Variants in ATP8B4 observed in about 807,000 individuals in gnomAD.
ATP8B4 encodes the protein probable phospholipid-transporting ATPase IM.
In ATP8B4, 133 loss-of-function variants were observed where a neutral mutation model predicts 145.6. The ratio of observed to expected loss-of-function variants is 0.91; its 90% CI spans 0.79 to 1.05. The LOEUF (loss-of-function observed/expected upper bound fraction) is 1.05. Ranked by LOEUF, ATP8B4 falls within the 50% of genes least tolerant of loss-of-function variation. ATP8B4 has a pLI of 0.00. For synonymous variants in ATP8B4, 507 were observed against 492.9 expected (o/e 1.03, Z -0.38); for missense variants, 1,458 against 1,425.2 (o/e 1.02, Z -0.37).
At chr15:49,983,271 G>T (rs1028966669) in intron 10 of ATP8B4, among the ~76,000 whole-genome samples, 4 of 152,046 alleles carry the variant, frequency 2.6e-5, no homozygotes, top group African/African-American at 9.7e-5. Flanking sequence ...TTCTTCTAAG[G>T]CCTCTCAAGT....
intron 9 of ATP8B4, among the ~76,000 whole-genome samples, chr15:49,990,709 T>C (rs2046980471): frequency 6.6e-6 from 1 of 152,174 alleles, no homozygotes; most frequent in African/African-American, 2.4e-5. Context: ...TGGAACTCAG[T>C]GCCCAATAGT....
At chr15:50,062,823 G>A (rs953423586) in intron 3 of ATP8B4, among the ~76,000 whole-genome samples, 13 of 152,182 alleles carry the variant, frequency 8.5e-5, no homozygotes, top group African/African-American at 2.6e-4. Flanking sequence ...ACCTAGAAAA[G>A]CATTTCTTTT....
intron 8 of ATP8B4, among the ~76,000 whole-genome samples, chr15:50,000,407 G>A (rs1233676054): frequency 6.6e-6 from 1 of 151,874 alleles, no homozygotes; most frequent in Non-Finnish European, 1.5e-5. Flanking sequence ...TCTGTAGTGA[G>A]ATCTTATTGT....
intron 13 of ATP8B4, among the ~76,000 whole-genome samples, chr15:49,963,811 G>A (rs182690062): frequency 3.0e-4 from 45 of 152,174 alleles, no homozygotes; most frequent in Non-Finnish European, 5.3e-4. Flanking sequence ...TTAATACCTA[G>A]GTGATGGGAT....
intron 15 of ATP8B4, among the ~76,000 whole-genome samples, chr15:49,932,220 C>A (rs958127256): frequency 1.7e-4 from 25 of 151,432 alleles, no homozygotes; most frequent in African/African-American, 6.1e-4. Context: ...TAAAAAGAAA[C>A]AAATCACCTA....
At chr15:49,874,918 A>G (rs2034168991) in intron 25 of ATP8B4, among the ~76,000 whole-genome samples, 1 of 152,238 alleles carries the variant, frequency 6.6e-6, no homozygotes, top group Admixed American at 6.5e-5. Context: ...CATAAAGTTA[A>G]TATAAAAACA....
At chr15:49,972,880 G>C (rs2045301340) in intron 12 of ATP8B4, 90 bp from the exon 13 acceptor site, 1 of 1,290,384 alleles carries the variant, frequency 7.7e-7, no homozygotes, top group Admixed American at 2.3e-5. Context: ...GTCTGCCAAA[G>C]TCTCCAGGGG....
Position 49,996,839 on chromosome 15 carries a change from G to T in ATP8B4, c.507-80C>A, listed in dbSNP as rs1050534583. On this transcript the variant is annotated intron_variant, in intron 8 of 27. Transcript: ENST00000284509. ...CTACCAAAGCAATCAGGTGGGTGTA[G>T]CACATGCAAAGCCAAACCCAAGAGA... The T allele has an allele frequency of 6.3e-6, 7 of 1,118,552 alleles. No homozygotes were observed. The African/African-American group carries it at 9.2e-5, about 15-fold the overall frequency. 69.3% of individuals were successfully genotyped at this position (1,118,552 alleles called of 1,614,324 possible).
chr15:49,995,693 T>C (rs940443670), intron 9 of ATP8B4, among the ~76,000 whole-genome samples: 2 of 152,186 alleles, frequency 1.3e-5, no homozygotes, highest in African/African-American at 4.8e-5. Context: ...AATACCCTTG[T>C]CCATGTTTTC....
intron 14 of ATP8B4, among the ~76,000 whole-genome samples, chr15:49,942,667 T>C (rs1434644600): frequency 1.3e-5 from 2 of 150,766 alleles, no homozygotes; most frequent in Non-Finnish European, 1.5e-5. Context: ...TACTAAAAAA[T>C]ACAAAAAATT....
chr15:50,134,359 A>G (rs746907304), intron 1 of ATP8B4, among the ~76,000 whole-genome samples: 5 of 152,218 alleles, frequency 3.3e-5, no homozygotes, highest in African/African-American at 4.8e-5. Context: ...AAGAAAGGCA[A>G]GTGAGAAGAG....
chr15:50,146,862 C>T (rs183897611), intron 1 of ATP8B4, among the ~76,000 whole-genome samples: 1 of 151,990 alleles, frequency 6.6e-6, no homozygotes, highest in Admixed American at 6.5e-5. Flanking sequence ...CCAGGTTCCA[C>T]ACAGGAAGAG....
At chr15:50,098,227 A>G (rs1203926406) in intron 2 of ATP8B4, among the ~76,000 whole-genome samples, 1 of 143,414 alleles carries the variant, frequency 7.0e-6, no homozygotes, top group African/African-American at 2.6e-5. Flanking sequence ...TTGTGTCATG[A>G]AAATACATGA....
chr15:50,141,462 GT>G (rs1393109428), intron 1 of ATP8B4, among the ~76,000 whole-genome samples: 1 of 152,098 alleles, frequency 6.6e-6, no homozygotes, highest in Non-Finnish European at 1.5e-5. Context: ...TCAGGGCAGG[GT>G]TCTTAGAAAT....
intron 2 of ATP8B4, among the ~76,000 whole-genome samples, chr15:50,082,161 T>C (rs1402757000): frequency 1.3e-5 from 2 of 152,320 alleles, no homozygotes; most frequent in African/African-American, 4.8e-5. Flanking sequence ...GCCAAAGCAA[T>C]TCATTAAAGA....
rs1567392780 is a variant in ATP8B4, at chr15:50,118,142, G to GAT, written c.-43+979_-43+980dup. Among the ~76,000 whole-genome samples the GAT allele has an allele frequency of 2.0e-5, 3 of 151,994 alleles. 1 individual carries two copies. The South Asian group carries it at 6.2e-4, about 32-fold the overall frequency. ...AATTTATTTTTTATTTATAATAAAC[G>GAT]ATATAGATATAAACGATAAAATAAA... On this transcript the variant is annotated intron_variant, in intron 1 of 27. Transcript: ENST00000284509.
In ATP8B4 at chr15:49,897,434, C is replaced by G. The variant is rs774345282; in HGVS notation, c.2555G>C (p.Arg852Thr). ...LASDYSFAQFRYLQRLLLVHG... is the reference protein window; with the variant it reads ...LASDYSFAQFTYLQRLLLVHG... ...AACAAGGAGAAGCCTTTGGAGATAT[C>G]TAAACTGTGCAAATGAATAGTCGCT... Residue 852 changes from arginine (R) to threonine (T), a missense_variant, in exon 23 of 28, where the codon AGA becomes ACA. Coordinates refer to ENST00000284509, the MANE Select transcript of ATP8B4 (RefSeq NM_024837.4). 19 of 1,612,188 alleles carry G rather than the reference C, an allele frequency of 1.2e-5. No homozygotes were observed. Among genetic ancestry groups the G allele is most frequent in the Non-Finnish European group, 1.6e-5 (19 of 1,179,262 alleles).
intron 1 of ATP8B4, chr15:50,113,428 G>A (rs1595602844): frequency 6.6e-6 from 1 of 152,216 alleles, no homozygotes; most frequent in Admixed American, 6.5e-5. Flanking sequence ...ATCAGTGACA[G>A]CTGCCAATAG....
At chr15:49,985,394 C>T (rs1042510566) in intron 10 of ATP8B4, among the ~76,000 whole-genome samples, 2 of 152,206 alleles carry the variant, frequency 1.3e-5, no homozygotes, top group African/African-American at 4.8e-5. Context: ...CCGCGCCCAG[C>T]AGATATTTTT....
Sources: gnomAD v4.1 joint callset for allele counts (sites outside exome capture counted in the v4.1 genomes callset) on GRCh38, gnomAD v4.1.1 for gene constraint, MANE v1.5 for transcripts, NCBI Gene and HGNC (gene_info 2026-07-23, HGNC 2026-07-21) for gene names.